ATP8A2: variants seen among roughly 807,000 people sequenced by gnomAD.
The protein encoded by ATP8A2 is phospholipid-transporting ATPase IB.
In ATP8A2, 100 loss-of-function variants were observed where a neutral mutation model predicts 165.6. The observed-to-expected ratio is 0.60, with a 90% CI of 0.51 to 0.71. The LOEUF (loss-of-function observed/expected upper bound fraction) is 0.71. Among genes scored for constraint, ATP8A2 ranks in the 30% least tolerant of loss-of-function variants. ATP8A2 has a pLI of 0.00. For missense variants in ATP8A2, 1,227 were observed against 1,479.5 expected (o/e 0.83, Z 2.80); for synonymous variants, 543 against 548.8 (o/e 0.99, Z 0.15).
chr13:25,525,755 A>G (rs1392345911), intron 2 of ATP8A2, among the ~76,000 whole-genome samples: 5 of 151,896 alleles, frequency 3.3e-5, no homozygotes, highest in Non-Finnish European at 5.9e-5. Context: ...TTGGTCTTTG[A>G]GAATGTGATT....
intron 27 of ATP8A2, among the ~76,000 whole-genome samples, chr13:25,789,028 A>G (rs2045101030): frequency 6.6e-6 from 1 of 152,220 alleles, no homozygotes; most frequent in African/African-American, 2.4e-5. Context: ...CAGGGTGTTG[A>G]GAAACTCAGA....
chr13:25,837,424 CA>C (rs1259065984), intron 29 of ATP8A2, 139 bp downstream of exon 29: 59 of 1,830 alleles, frequency 0.032, no homozygotes, highest in East Asian at 0.098. Flanking sequence ...ACCCCACCAC[CA>C]CACACACACA....
chr13:25,961,372 T>G lies in ATP8A2; in HGVS notation c.3184-203T>G, dbSNP rs1289581551. On this transcript the variant is annotated intron_variant, in intron 33 of 36. Transcript: ENST00000381655. The stretch of plus-strand genomic sequence containing the variant: ...AAGGGCACACGTCAAACTAGAAGAA[T>G]GAAAGTAAGAAGAGAGAAGGCTGCA... Among the ~76,000 whole-genome samples the G allele has an allele frequency of 2.0e-5, 3 of 152,154 alleles. No homozygotes were observed. The East Asian group carries it at 5.8e-4, about 29-fold the overall frequency.
intron 27 of ATP8A2, among the ~76,000 whole-genome samples, chr13:25,803,955 G>A (rs1181923116): frequency 1.3e-5 from 2 of 152,214 alleles, no homozygotes; most frequent in Admixed American, 6.5e-5. Context: ...ACACACTGAA[G>A]TAGTATGACA....
chr13:25,990,507 G>A (rs1380378265), intron 35 of ATP8A2, among the ~76,000 whole-genome samples: 1 of 152,146 alleles, frequency 6.6e-6, no homozygotes, highest in Non-Finnish European at 1.5e-5. Flanking sequence ...GAAAGCATAT[G>A]CAAAGGCCCT....
intron 1 of ATP8A2, among the ~76,000 whole-genome samples, chr13:25,394,186 T>C: frequency 6.6e-6 from 1 of 152,218 alleles, no homozygotes; most frequent in African/African-American, 2.4e-5. Flanking sequence ...TTACAGCCTG[T>C]AGATGAGCTT....
rs115841816 is a variant in ATP8A2, at chr13:25,395,010, T to C, written c.76+22722T>C. Among the ~76,000 whole-genome samples, 1,329 of 152,340 alleles carry C rather than the reference T, an allele frequency of 8.7e-3. 19 individuals are homozygous for C. Among genetic ancestry groups the C allele is most frequent in the African/African-American group, 0.03 (1,263 of 41,578 alleles). ...CACAATTTATCATTCTTTGTTGAAG[T>C]AGTATGTAAGCTCTCTAGCCTATGT... On this transcript the variant is annotated intron_variant, in intron 1 of 36. Transcript: ENST00000381655.
intron 2 of ATP8A2, among the ~76,000 whole-genome samples, chr13:25,523,237 G>A (rs532355455): frequency 2.7e-5 from 4 of 150,490 alleles, no homozygotes; most frequent in South Asian, 4.2e-4. Flanking sequence ...GAAGTATTCC[G>A]TGATCTTCAA....
chr13:25,776,164 G>A (rs77681858), intron 27 of ATP8A2, among the ~76,000 whole-genome samples: 4,790 of 152,310 alleles, frequency 0.031, 256 homozygotes, highest in African/African-American at 0.11. Flanking sequence ...TTTCTAAGTT[G>A]CACAAGGGCC....
chr13:25,577,506 A>G (rs1056440066), intron 20 of ATP8A2, among the ~76,000 whole-genome samples: 2 of 152,114 alleles, frequency 1.3e-5, no homozygotes, highest in Admixed American at 6.5e-5. Flanking sequence ...TCTGATATAT[A>G]TTGGTTCTCT....
chr13:25,733,989 T>G (rs2043711785), intron 25 of ATP8A2, among the ~76,000 whole-genome samples: 1 of 152,212 alleles, frequency 6.6e-6, no homozygotes, highest in Admixed American at 6.5e-5. Context: ...GGTTACCTCT[T>G]TTGTAAAAAT....
chr13:25,800,316 G>A (rs1950595347), intron 27 of ATP8A2, among the ~76,000 whole-genome samples: 1 of 152,214 alleles, frequency 6.6e-6, no homozygotes, highest in Admixed American at 6.5e-5. Flanking sequence ...AGGAACCTGT[G>A]CAGACCTGGT....
intron 17 of ATP8A2, among the ~76,000 whole-genome samples, 175 bp from the exon 18 acceptor site, chr13:25,571,435 C>G (rs764001619): frequency 2.6e-5 from 4 of 152,232 alleles, no homozygotes; most frequent in Non-Finnish European, 4.4e-5. Flanking sequence ...GTGCTCATTT[C>G]AGAACCCTGG....
intron 24 of ATP8A2, among the ~76,000 whole-genome samples, chr13:25,628,130 G>T (rs2041149789): frequency 6.6e-6 from 1 of 152,160 alleles, no homozygotes; most frequent in African/African-American, 2.4e-5. Flanking sequence ...CACAAAGCCT[G>T]ACTGGACACT....
intron 25 of ATP8A2, chr13:25,705,100 A>G (rs918841486): frequency 7.9e-6 from 3 of 377,628 alleles, no homozygotes; most frequent in Non-Finnish European, 1.5e-5. Flanking sequence ...CATTTTCAAT[A>G]TGTTCAAGAA....
At chr13:25,451,954 G>A (rs374909135) in intron 1 of ATP8A2, among the ~76,000 whole-genome samples, 84 of 150,882 alleles carry the variant, frequency 5.6e-4, no homozygotes, top group African/African-American at 1.4e-3. Flanking sequence ...TCCTGGGTTC[G>A]CGCCATTCTC....
intron 1 of ATP8A2, among the ~76,000 whole-genome samples, chr13:25,417,320 T>C (rs536824253): frequency 6.6e-6 from 1 of 152,316 alleles, no homozygotes; most frequent in Non-Finnish European, 1.5e-5. Context: ...ATGTTTGCTC[T>C]TATTTTACTT....
chr13:25,646,224 G>A (rs1593128006), intron 24 of ATP8A2, among the ~76,000 whole-genome samples: 1 of 152,056 alleles, frequency 6.6e-6, no homozygotes, highest in South Asian at 2.1e-4. Flanking sequence ...TCTGATTTAA[G>A]TATAGCTACC....
At chr13:25,853,081 T>G (rs1380022634) in intron 30 of ATP8A2, among the ~76,000 whole-genome samples, 1 of 151,978 alleles carries the variant, frequency 6.6e-6, no homozygotes, top group Non-Finnish European at 1.5e-5. Context: ...GTAAAGTGTT[T>G]ATATAAGATA....
Sources: gnomAD v4.1 joint callset for allele counts (sites outside exome capture counted in the v4.1 genomes callset) on GRCh38, gnomAD v4.1.1 for gene constraint, MANE v1.5 for transcripts, NCBI Gene and HGNC (gene_info 2026-07-23, HGNC 2026-07-21) for gene names.